ABCD2: variants seen among roughly 807,000 people sequenced by gnomAD.
ABCD2 encodes the protein ATP binding cassette subfamily D member 2, also known as ATP-binding cassette sub-family D member 2.
A neutral mutation model predicts 70.9 loss-of-function variants in ABCD2; 36 were observed. The ratio of observed to expected loss-of-function variants is 0.51; its 90% CI spans 0.39 to 0.67. The LOEUF (loss-of-function observed/expected upper bound fraction) is 0.67. Among genes scored for constraint, ABCD2 ranks in the 30% least tolerant of loss-of-function variants. ABCD2 has a pLI of 0.00. For missense variants in ABCD2, 729 were observed against 890.2 expected (o/e 0.82, Z 2.30); for synonymous variants, 304 against 306.9 (o/e 0.99, Z 0.10).
intron 9 of ABCD2, among the ~76,000 whole-genome samples, chr12:39,564,273 A>G (rs141399552): frequency 0.05 from 7,557 of 152,230 alleles, 280 homozygotes; most frequent in African/African-American, 0.1. Context: ...ATTTCTCCAC[A>G]TCCTCTCCAG....
downstream of ABCD2, among the ~76,000 whole-genome samples, chr12:39,547,578 G>A (rs776408845): frequency 9.2e-5 from 14 of 152,010 alleles, no homozygotes; most frequent in Non-Finnish European, 4.4e-5. Flanking sequence ...AGCAAATACT[G>A]TATAATTCCA....
the ABCD2 span, among the ~76,000 whole-genome samples, chr12:39,532,734 C>T: frequency 1.6e-4 from 24 of 151,828 alleles, no homozygotes; most frequent in African/African-American, 5.6e-4. Flanking sequence ...GTAGTAGGCA[C>T]TTACAAAAAG....
At chr12:39,533,898 G>T in the ABCD2 span, among the ~76,000 whole-genome samples, 1 of 152,212 alleles carries the variant, frequency 6.6e-6, no homozygotes, top group South Asian at 2.1e-4. Flanking sequence ...TATGAAAATA[G>T]ATAAAGAAAA....
chr12:39,545,518 A>G (rs896760846), downstream of ABCD2, among the ~76,000 whole-genome samples: 5 of 152,042 alleles, frequency 3.3e-5, no homozygotes, highest in Non-Finnish European at 7.4e-5. Context: ...CAGAGGCAGG[A>G]CCCCACCAAG....
intron 9 of ABCD2, among the ~76,000 whole-genome samples, chr12:39,558,421 G>T (rs1022665543): frequency 6.6e-6 from 1 of 152,136 alleles, no homozygotes; most frequent in South Asian, 2.1e-4. Flanking sequence ...TTTGGGAGGG[G>T]CCAGGGCGAA....
At chr12:39,548,600 C>T (rs1298939984), downstream of ABCD2, among the ~76,000 whole-genome samples, 2 of 151,870 alleles carry the variant, frequency 1.3e-5, 1 homozygote, top group African/African-American at 4.8e-5. Flanking sequence ...TCTTTTGCAC[C>T]TTCCCAGGTG....
intron 9 of ABCD2, among the ~76,000 whole-genome samples, chr12:39,571,899 C>T (rs560850933): frequency 1.3e-5 from 2 of 152,264 alleles, no homozygotes; most frequent in Admixed American, 6.5e-5. Flanking sequence ...TATGACACAT[C>T]TTTCCCCACT....
intron 7 of ABCD2, among the ~76,000 whole-genome samples, chr12:39,580,054 T>C (rs565500538): frequency 2.0e-4 from 30 of 152,232 alleles, no homozygotes; most frequent in Non-Finnish European, 3.7e-4. Flanking sequence ...TCTCTTATCA[T>C]ATATTTCACA....
intron 2 of ABCD2, among the ~76,000 whole-genome samples, chr12:39,614,870 A>G (rs1942094929): frequency 6.6e-6 from 1 of 152,086 alleles, no homozygotes; most frequent in African/African-American, 2.4e-5. Flanking sequence ...CTCAATTAAT[A>G]GTCTGTCATA....
At chr12:39,537,327 A>T in the ABCD2 span, among the ~76,000 whole-genome samples, 4 of 152,324 alleles carry the variant, frequency 2.6e-5, no homozygotes, top group South Asian at 2.1e-4. Context: ...GCCAGTCTAT[A>T]ACCTGAGTAA....
At chr12:39,543,485 A>G in the ABCD2 span, among the ~76,000 whole-genome samples, 1 of 152,226 alleles carries the variant, frequency 6.6e-6, no homozygotes, top group African/African-American at 2.4e-5. Flanking sequence ...TATGAAAGAT[A>G]TAAGCATGAT....
chr12:39,572,313 A>G (rs1231339944), intron 9 of ABCD2, among the ~76,000 whole-genome samples: 1 of 152,182 alleles, frequency 6.6e-6, no homozygotes, highest in African/African-American at 2.4e-5. Flanking sequence ...GTTCATACCA[A>G]AAAGGGCTCA....
At chr12:39,607,548 G>C in intron 3 of ABCD2, 51 bp downstream of exon 3, 1 of 1,445,132 alleles carries the variant, frequency 6.9e-7, no homozygotes, top group Non-Finnish European at 9.6e-7. Context: ...CATTTTGCTT[G>C]ATTTTCATAA....
intron 6 of ABCD2, among the ~76,000 whole-genome samples, chr12:39,597,147 A>G (rs1941827645): frequency 6.6e-6 from 1 of 152,204 alleles, no homozygotes; most frequent in Admixed American, 6.5e-5. Flanking sequence ...AAACTAGTAC[A>G]AAAGAAAGCA....
intron 2 of ABCD2, among the ~76,000 whole-genome samples, chr12:39,608,861 G>A (rs1380239227): frequency 1.3e-5 from 2 of 152,042 alleles, no homozygotes; most frequent in Non-Finnish European, 2.9e-5. Context: ...TCTAGCCTCT[G>A]TCTACCTTTC....
chr12:39,533,938 G>A, the ABCD2 span, among the ~76,000 whole-genome samples: 6 of 152,326 alleles, frequency 3.9e-5, no homozygotes, highest in African/African-American at 1.2e-4. Flanking sequence ...TGATAGGAAT[G>A]AATCTCAACG....
In ABCD2 at chr12:39,553,169, G is replaced by A. The variant is rs1414148526; in HGVS notation, c.*743C>T. On this transcript the variant is annotated 3_prime_UTR_variant, in exon 10 of 10. Transcript: ENST00000308666. ...AAGTTGCAATAGGTAATTCTGCTAA[G>A]GAAATTATCAGGTTGAGACATTGTT... 6.6e-6 allele frequency: 1 copy of A among 151,938 alleles called. No individual in the cohort carries two copies. The highest frequency in any genetic ancestry group is 1.5e-5 in the Non-Finnish European group (1 of 67,894). 9.4% of individuals were successfully genotyped at this position (151,938 alleles called of 1,614,324 possible).
chr12:39,595,066 AAAAAAAGAAAAAG>A (rs1178660102), intron 6 of ABCD2, among the ~76,000 whole-genome samples: 3 of 152,164 alleles, frequency 2.0e-5, no homozygotes, highest in African/African-American at 7.2e-5. Flanking sequence ...ACTCTGTTTC[AAAAAAAGAAAAAG>A]AAAAAAGAAG....
In ABCD2 at chr12:39,617,181, A is replaced by C; in HGVS notation, c.940-13T>G. ...GTTTCATTTCTACCTATAGAGAGGA[A>C]AAAGAGTTGAGGACTTTTTTTAAAG... On this transcript the variant is annotated splice_polypyrimidine_tract_variant and intron_variant, in intron 1 of 9. Coordinates refer to ENST00000308666, the MANE Select transcript of ABCD2 (RefSeq NM_005164.4). 6.5e-7 allele frequency: 1 copy of C among 1,534,782 alleles called. No individual in the cohort carries two copies. Among genetic ancestry groups the C allele is most frequent in the Non-Finnish European group, 8.7e-7 (1 of 1,146,624 alleles).
Sources: allele counts gnomAD v4.1 joint callset (sites outside exome capture counted in the v4.1 genomes callset), GRCh38; gene constraint gnomAD v4.1.1; transcripts MANE v1.5; gene names NCBI Gene and HGNC (gene_info 2026-07-23, HGNC 2026-07-21).